The following OTUD7B variants were observed in gnomAD, a reference collection of about 807,000 sequenced individuals.
The protein encoded by OTUD7B is OTU domain-containing protein 7B.
In OTUD7B, 34 loss-of-function variants were observed where a neutral mutation model predicts 82.2. The ratio of observed to expected loss-of-function variants is 0.41; its 90% confidence interval spans 0.31 to 0.55. OTUD7B has a LOEUF of 0.55. Ranked by LOEUF, OTUD7B falls within the 20% of genes least tolerant of loss-of-function variation. OTUD7B has a pLI of 0.20. For missense variants in OTUD7B, 944 were observed against 1,062.1 expected (o/e 0.89, Z 1.55); for synonymous variants, 398 against 402.7 (o/e 0.99, Z 0.14).
chr1:150,049,633 CTTT>C, the OTUD7B span, among the ~76,000 whole-genome samples: 9 of 132,334 alleles, frequency 6.8e-5, no homozygotes, highest in African/African-American at 2.3e-4. Context: ...CTCTCTCTTT[CTTT>C]TTTTTTTTTT....
the OTUD7B span, among the ~76,000 whole-genome samples, chr1:150,017,194 G>A: frequency 5.9e-5 from 9 of 152,166 alleles, no homozygotes; most frequent in Non-Finnish European, 1.3e-4. Context: ...GTGTTCCTAG[G>A]ATTAGGCATT....
intron 1 of OTUD7B, among the ~76,000 whole-genome samples, chr1:149,996,650 T>G (rs1243100447): frequency 6.6e-6 from 1 of 152,240 alleles, no homozygotes; most frequent in African/African-American, 2.4e-5. Flanking sequence ...CACTAATACA[T>G]ACTTTGAATG....
At chr1:150,015,807 C>T in the OTUD7B span, among the ~76,000 whole-genome samples, 1 of 152,030 alleles carries the variant, frequency 6.6e-6, no homozygotes, top group Non-Finnish European at 1.5e-5. Flanking sequence ...GGGAGGAACA[C>T]GGGTGAAACA....
intron 2 of OTUD7B, among the ~76,000 whole-genome samples, chr1:149,973,784 C>T (rs1235296197): frequency 1.3e-5 from 2 of 151,938 alleles, no homozygotes; most frequent in African/African-American, 2.4e-5. Flanking sequence ...CCGCACCTGG[C>T]CTCAGTTAAC....
At chr1:149,981,923 G>A (rs915300630) in intron 1 of OTUD7B, among the ~76,000 whole-genome samples, 7 of 152,170 alleles carry the variant, frequency 4.6e-5, no homozygotes, top group African/African-American at 1.7e-4. Flanking sequence ...GCCGAGGCAG[G>A]TGGATCGCAA....
chr1:150,063,642 T>C, the OTUD7B span, among the ~76,000 whole-genome samples: 3 of 152,214 alleles, frequency 2.0e-5, no homozygotes, highest in Non-Finnish European at 2.9e-5. Flanking sequence ...AACTCAGCTA[T>C]AATATTCTCA....
the OTUD7B span, among the ~76,000 whole-genome samples, chr1:150,037,129 C>T: frequency 2.0e-5 from 3 of 152,052 alleles, no homozygotes; most frequent in Admixed American, 1.3e-4. Context: ...AGATACAGTC[C>T]GGTCAACTCA....
At chr1:150,065,499 T>C in the OTUD7B span, among the ~76,000 whole-genome samples, 2 of 152,238 alleles carry the variant, frequency 1.3e-5, no homozygotes. Flanking sequence ...AAGGATGTCA[T>C]GATTTATTTT....
At chr1:149,981,014 CAAAAAAAAAAAAAAAA>C (rs1156427665) in intron 1 of OTUD7B, among the ~76,000 whole-genome samples, 3 of 57,720 alleles carry the variant, frequency 5.2e-5, no homozygotes, top group African/African-American at 6.7e-5. Flanking sequence ...GACCCTGTTT[CAAAAAAAAAAAAAAAA>C]AAAAAAAAAA....
rs2092738803 is a variant in OTUD7B at position 149,938,183 on chromosome 1, A to AGG, written c.*5672_*5673dup. 1 of 152,226 alleles carries AGG rather than the reference A, an allele frequency of 6.6e-6. No individual in the cohort carries two copies. Among genetic ancestry groups the AGG allele is most frequent in the Non-Finnish European group, 1.5e-5 (1 of 68,092 alleles). The allele number at this position is 152,226 out of a possible 1,614,324, so 9.4% of individuals were successfully genotyped here. On this transcript the variant is annotated 3_prime_UTR_variant, in exon 12 of 12. Coordinates refer to ENST00000581312, the MANE Select transcript of OTUD7B (RefSeq NM_020205.4). Reference sequence around the variant, plus strand: ...CTGTTGTAAAAAGAAAATAGGGACCAGGCGCAGTGGCTCACGCCTGTAATC... The same window carrying AGG: ...CTGTTGTAAAAAGAAAATAGGGACCAGGGGCGCAGTGGCTCACGCCTGTAATC...
chr1:150,013,706 A>C (rs913742499), upstream of OTUD7B, among the ~76,000 whole-genome samples: 1 of 150,728 alleles, frequency 6.6e-6, no homozygotes, highest in Non-Finnish European at 1.5e-5. Context: ...GCGGATCATG[A>C]GGTCAGGAGA....
chr1:149,977,582 G>T lies in OTUD7B; in HGVS notation c.-66-6C>A. 9.5e-7 allele frequency: 1 copy of T among 1,055,528 alleles called. No homozygotes were observed. The highest frequency in any genetic ancestry group is 1.6e-5 in the African/African-American group (1 of 64,296). The allele number at this position is 1,055,528 out of a possible 1,614,324, so 65.4% of individuals were successfully genotyped here. On this transcript the variant is annotated splice_polypyrimidine_tract_variant and splice_region_variant and intron_variant, in intron 1 of 11. Transcript: ENST00000581312. The stretch of plus-strand genomic sequence containing the variant: ...ATCAAAATTCAGGCCTCCACCTGAG[G>T]AATAAATAAATACATAAGGCTCAAA...
chr1:150,045,223 C>T, the OTUD7B span, among the ~76,000 whole-genome samples: 1 of 151,778 alleles, frequency 6.6e-6, no homozygotes, highest in Non-Finnish European at 1.5e-5. Flanking sequence ...TCCCAAGTAG[C>T]TGAGATTACA....
chr1:149,958,605 C>T (rs1228584921), intron 7 of OTUD7B, among the ~76,000 whole-genome samples: 10 of 151,952 alleles, frequency 6.6e-5, no homozygotes, highest in South Asian at 2.1e-4. Context: ...TGAGCCACTG[C>T]GCCTGGCCAG....
At chr1:150,005,783 C>T (rs782676349) in intron 1 of OTUD7B, among the ~76,000 whole-genome samples, 1 of 151,934 alleles carries the variant, frequency 6.6e-6, no homozygotes, top group African/African-American at 2.4e-5. Context: ...TTGAGAAAGC[C>T]GGCTTAATCT....
At chr1:149,975,589 A>G (rs915958217) in intron 2 of OTUD7B, among the ~76,000 whole-genome samples, 3 of 152,232 alleles carry the variant, frequency 2.0e-5, no homozygotes, top group African/African-American at 7.2e-5. Flanking sequence ...AAGAGGAAAC[A>G]TTTGAGCTGA....
chr1:149,979,105 G>A (rs1650533216), intron 1 of OTUD7B, among the ~76,000 whole-genome samples: 1 of 151,806 alleles, frequency 6.6e-6, no homozygotes, highest in Non-Finnish European at 1.5e-5. Flanking sequence ...TGAGCGCAGG[G>A]ACACGATTTC....
At chr1:150,033,677 A>G in the OTUD7B span, among the ~76,000 whole-genome samples, 1 of 152,178 alleles carries the variant, frequency 6.6e-6, no homozygotes, top group Non-Finnish European at 1.5e-5. Flanking sequence ...CCTCACAACA[A>G]TACATACTAA....
intron 7 of OTUD7B, among the ~76,000 whole-genome samples, chr1:149,956,521 C>G (rs1553774593): frequency 6.6e-6 from 1 of 152,126 alleles, no homozygotes; most frequent in East Asian, 1.9e-4. Flanking sequence ...TTCAGAGTTG[C>G]TCTTCTCAAG....
Sources: allele counts gnomAD v4.1 joint callset (sites outside exome capture counted in the v4.1 genomes callset), GRCh38; gene constraint gnomAD v4.1.1; transcripts MANE v1.5; gene names NCBI Gene and HGNC (gene_info 2026-07-23, HGNC 2026-07-21).